ANAPC1: variants seen among roughly 807,000 people sequenced by gnomAD.
The protein encoded by ANAPC1 is anaphase promoting complex subunit 1.
In ANAPC1, 36 loss-of-function variants were observed where a neutral mutation model predicts 208.0. The observed-to-expected ratio is 0.17, with a 90% CI of 0.13 to 0.23. The LOEUF is 0.23. ANAPC1 is among the 10% of genes least tolerant of loss of function. The pLI is 1.00. For missense variants in ANAPC1, 942 were observed against 2,011.6 expected, an observed-to-expected ratio of 0.47 and a Z score of 10.17; for synonymous variants, 378 against 695.2, an observed-to-expected ratio of 0.54 and a Z score of 7.18.
intron 18 of ANAPC1, among the ~76,000 whole-genome samples, chr2:111,836,168 T>C (rs2104473861): frequency 6.6e-6 from 1 of 151,978 alleles, no homozygotes; most frequent in South Asian, 2.1e-4. Context: ...TCAAATTTTT[T>C]TGGTAGACAA....
chr2:111,766,860 C>T (rs1676483790), downstream of ANAPC1: 1 of 398,144 alleles, frequency 2.5e-6, no homozygotes. Flanking sequence ...AGACATGCCC[C>T]TTACCATGAG....
rs1205328421 is a variant in ANAPC1 at position 111,796,725 on chromosome 2, G to T, written c.4297-1831C>A. 4.3e-5 allele frequency among the ~76,000 whole-genome samples: 5 copies of T among 115,748 alleles called. 1 individual carries two copies. The highest frequency in any genetic ancestry group is 9.0e-5 in the Non-Finnish European group (5 of 55,630). The allele number at this position is 115,748 out of a possible 152,430, so 75.9% of individuals were successfully genotyped here. On this transcript the variant is annotated intron_variant, in intron 34 of 47. Transcript: ENST00000341068. ...CAAACAGACAAGCAGTTTACAAAGT[G>T]ACCTTTAAAAAAAAAATCCTCCTTT...
intron 18 of ANAPC1, 42 bp downstream of exon 18, chr2:111,838,396 T>G: frequency 6.8e-7 from 1 of 1,478,222 alleles, no homozygotes; most frequent in Non-Finnish European, 9.2e-7. Flanking sequence ...AGTATGAATA[T>G]CCATAAATTA....
chr2:111,821,211 A>G lies in ANAPC1; in HGVS notation c.3206+28T>C, dbSNP rs576003256. On this transcript the variant is annotated intron_variant, in intron 26 of 47. Coordinates refer to ENST00000341068, the MANE Select transcript of ANAPC1 (RefSeq NM_022662.4). ...CACAAATGTAACAATGAAACATGACAAGAGATAGTGCACGTGTTTTCTTTC... is the reference window on the plus strand; with the variant it reads ...CACAAATGTAACAATGAAACATGACGAGAGATAGTGCACGTGTTTTCTTTC... 1,890 of 1,593,878 alleles carry G rather than the reference A, an allele frequency of 1.2e-3. 23 individuals are homozygous for G. In the African/African-American group the frequency reaches 0.022, roughly 19 times the overall value.
At chr2:111,773,736 T>C (rs981267497) in intron 46 of ANAPC1, among the ~76,000 whole-genome samples, 11 of 152,012 alleles carry the variant, frequency 7.2e-5, no homozygotes, top group Non-Finnish European at 1.6e-4. Context: ...GCATATTCAA[T>C]GGCCCCACAG....
intron 18 of ANAPC1, among the ~76,000 whole-genome samples, chr2:111,836,462 A>G (rs964598695): frequency 6.6e-5 from 10 of 151,158 alleles, no homozygotes; most frequent in African/African-American, 1.9e-4. Context: ...GCAACATATT[A>G]TAGTAACACC....
rs1409537554 is a variant in ANAPC1 at position 111,811,462 on chromosome 2, T to TC, written c.3598-2282dup. ...AACGCAACTACTCCTGCTGGCTTGA[T>TC]CCCCCCCTGGTCATGAATGGTGGCT... On this transcript the variant is annotated intron_variant, in intron 28 of 47. Coordinates refer to ENST00000341068, the MANE Select transcript of ANAPC1 (RefSeq NM_022662.4). Among the ~76,000 whole-genome samples, 6 of 116,206 alleles carry TC rather than the reference T, an allele frequency of 5.2e-5. No individual in the cohort carries two copies. In the East Asian group the frequency reaches 7.5e-4, roughly 15 times the overall value. The allele number at this position is 116,206 out of a possible 152,430, so 76.2% of individuals were successfully genotyped here.
Position 111,864,842 on chromosome 2 carries a change from C to T in ANAPC1, c.795G>A (p.Val265=). 1 of 1,611,524 alleles carries T rather than the reference C, an allele frequency of 6.2e-7. No individual in the cohort carries two copies. The highest frequency in any genetic ancestry group is 2.2e-5 in the East Asian group (1 of 44,858). The part of the protein sequence containing the change: ...IVMTYDAVQN[V]HSVWTLRRVK... ...CTCTCCGGAGAGTCCACACAGAATG[C>T]ACATTTTGAACAGCATCATAAGTCA... is the stretch of plus-strand genomic sequence containing the variant. Residue 265 remains valine (V), a synonymous_variant, in exon 8 of 48, where the codon GTG becomes GTA. Coordinates refer to ENST00000341068, the MANE Select transcript of ANAPC1 (RefSeq NM_022662.4).
At chr2:111,823,960 C>T (rs1679685302) in intron 24 of ANAPC1, among the ~76,000 whole-genome samples, 1 of 135,648 alleles carries the variant, frequency 7.4e-6, no homozygotes, top group Admixed American at 7.7e-5. Context: ...ATACGTTTGA[C>T]ATATTATTTT....
intron 6 of ANAPC1, among the ~76,000 whole-genome samples, chr2:111,869,910 T>C (rs1682649510): frequency 6.6e-6 from 1 of 152,206 alleles, no homozygotes; most frequent in African/African-American, 2.4e-5. Context: ...CATAACACTC[T>C]GTATATAGCC....
At chr2:111,831,854 G>T (rs1461160710) in intron 20 of ANAPC1, among the ~76,000 whole-genome samples, 1 of 120,996 alleles carries the variant, frequency 8.3e-6, no homozygotes, top group Non-Finnish European at 1.8e-5. Context: ...AAAGAATAAC[G>T]TTTTTCCATA....
At chr2:111,873,177 T>C (rs1285358738) in intron 5 of ANAPC1, 131 bp downstream of exon 5, 5 of 954,034 alleles carry the variant, frequency 5.2e-6, no homozygotes, top group Admixed American at 6.9e-5. Flanking sequence ...GCTGCCAAAA[T>C]TTAGTTATTT....
intron 6 of ANAPC1, among the ~76,000 whole-genome samples, chr2:111,870,139 C>A (rs1233133259): frequency 6.6e-6 from 1 of 152,210 alleles, no homozygotes; most frequent in Admixed American, 6.5e-5. Context: ...TAGGCTGCTT[C>A]CTTATCTTTG....
At chr2:111,858,252 A>C in intron 11 of ANAPC1, 54 bp downstream of exon 11, 3 of 1,363,142 alleles carry the variant, frequency 2.2e-6, no homozygotes, top group Admixed American at 2.4e-5. Flanking sequence ...AAAGAAAAAG[A>C]AAAAGCAGTG....
rs559033629 is a variant in ANAPC1 at position 111,876,918 on chromosome 2, A to C, written c.375+1892T>G. On this transcript the variant is annotated intron_variant, in intron 3 of 47. Transcript: ENST00000341068. ...GTTCTTCCTCCAACTTTTTGTTATA[A>C]AAATTTTCAGTAAGAAAAGTTGAAA... Among the ~76,000 whole-genome samples, 40 of 152,260 alleles carry C rather than the reference A, an allele frequency of 2.6e-4. No individual in the cohort carries two copies. In the South Asian group the frequency reaches 7.9e-3, roughly 30 times the overall value.
intron 28 of ANAPC1, among the ~76,000 whole-genome samples, chr2:111,812,915 AG>A (rs1193068061): frequency 8.6e-6 from 1 of 115,890 alleles, no homozygotes; most frequent in African/African-American, 3.3e-5. Context: ...GCACTAAAAG[AG>A]AGTCTGCCCC....
intron 38 of ANAPC1, among the ~76,000 whole-genome samples, chr2:111,791,058 ATGTG>A (rs971164037): frequency 6.6e-6 from 1 of 152,276 alleles, no homozygotes; most frequent in African/African-American, 2.4e-5. Flanking sequence ...GTTTTATGTT[ATGTG>A]TATTTTACCA....
chr2:111,868,537 C>A (rs1439384503), intron 6 of ANAPC1, among the ~76,000 whole-genome samples: 3 of 150,714 alleles, frequency 2.0e-5, no homozygotes, highest in African/African-American at 7.3e-5. Context: ...ATTAAGTCTG[C>A]TTTTTTTTTC....
intron 7 of ANAPC1, among the ~76,000 whole-genome samples, chr2:111,866,805 A>C (rs1377111901): frequency 6.6e-6 from 1 of 151,632 alleles, no homozygotes; most frequent in African/African-American, 2.4e-5. Context: ...GTACTTAAAA[A>C]AAAAAAAAAA....
Sources: allele counts gnomAD v4.1 joint callset (sites outside exome capture counted in the v4.1 genomes callset), GRCh38; gene constraint gnomAD v4.1.1; transcripts MANE v1.5; gene names NCBI Gene and HGNC (gene_info 2026-07-23, HGNC 2026-07-21).